The following FYCO1 variants were observed in gnomAD, a reference collection of about 807,000 sequenced individuals.
FYCO1 encodes the protein FYVE and coiled-coil domain-containing protein 1.
FYCO1 carries 122 observed loss-of-function variants against 165.1 expected under a neutral mutation model. The observed-to-expected ratio is 0.74, with a 90% confidence interval of 0.64 to 0.86. The LOEUF (loss-of-function observed/expected upper bound fraction) is 0.86, where lower values mean the gene tolerates loss of function less well. Ranked by LOEUF, FYCO1 falls within the 40% of genes least tolerant of loss-of-function variation. The pLI, the probability that FYCO1 is intolerant of heterozygous loss-of-function variation, is 0.00. For missense variants in FYCO1, 1,702 were observed against 1,810.3 expected, an observed-to-expected ratio of 0.94 and a Z score of 1.09; for synonymous variants, 648 against 742.5, an observed-to-expected ratio of 0.87 and a Z score of 2.07.
chr3:45,942,030 A>G (rs1276009325), intron 14 of FYCO1, among the ~76,000 whole-genome samples: 1 of 152,224 alleles, frequency 6.6e-6, no homozygotes, highest in Non-Finnish European at 1.5e-5. Flanking sequence ...TATGTAGTCT[A>G]TGCGGCCTCA....
chr3:45,931,255 T>C lies in FYCO1; in HGVS notation c.4067A>G (p.Glu1356Gly), dbSNP rs141080987. ...GCTACCCTCCCCGAAGCTGGCGATC[T>C]CATCCACTGTGAGGGGTACTTTGAT... is the stretch of plus-strand genomic sequence containing the variant. ...LMIKVPLTVD[E>G]IASFGEGSRE... The change falls in exon 16 of 18, where the codon GAG becomes GGG. Residue 1356 changes from glutamate (E) to glycine (G), a missense_variant. Physicochemically the swap from Glu to Gly is moderately conservative, Grantham distance 98. Coordinates refer to ENST00000296137, the MANE Select transcript of FYCO1 (RefSeq NM_024513.4). 20 of 1,613,734 alleles carry C rather than the reference T, an allele frequency of 1.2e-5. No homozygotes were observed. Among genetic ancestry groups the C allele is most frequent in the Non-Finnish European group, 1.6e-5 (19 of 1,179,926 alleles).
At chr3:45,983,683 G>A (rs1707167814) in intron 2 of FYCO1, among the ~76,000 whole-genome samples, 1 of 152,178 alleles carries the variant, frequency 6.6e-6, no homozygotes. Context: ...TAAAGCCAGT[G>A]GCAAACTCAG....
In FYCO1 at chr3:45,993,596, GA is replaced by G. The variant is rs1292873231; in HGVS notation, c.-113+2125del. On this transcript the variant is annotated intron_variant, in intron 1 of 17. Transcript: ENST00000296137. The surrounding 1 kb of genome is among the most constrained non-coding windows in gnomAD (Gnocchi z 4.4). ...AAAATACTGTTTATCTTTTGACTAA[GA>G]CAAGAACATAGCAGTCATGACGTGA... Among the ~76,000 whole-genome samples the G allele has an allele frequency of 6.6e-6, 1 of 152,162 alleles. No homozygotes were observed. The highest frequency in any genetic ancestry group is 2.4e-5 in the African/African-American group (1 of 41,436).
At chr3:45,942,596 G>C (rs1348960810) in intron 14 of FYCO1, among the ~76,000 whole-genome samples, 2 of 152,180 alleles carry the variant, frequency 1.3e-5, no homozygotes, top group Non-Finnish European at 2.9e-5. Flanking sequence ...CCTCTCCCTA[G>C]TACCCTCTCC....
intron 15 of FYCO1, among the ~76,000 whole-genome samples, chr3:45,931,969 CCT>C (rs1273695551): frequency 1.3e-5 from 2 of 152,134 alleles, no homozygotes; most frequent in African/African-American, 4.8e-5. Flanking sequence ...ACAGTGAGTT[CCT>C]CTGTTTTTGG....
At position 45,962,089 on chromosome 3, in the gene FYCO1, G is replaced by A. The variant is rs766008589; in HGVS notation, c.3437+136C>T. On this transcript the variant is annotated intron_variant, in intron 11 of 17. Coordinates refer to ENST00000296137, the MANE Select transcript of FYCO1 (RefSeq NM_024513.4). The surrounding 1 kb of genome is among the most constrained non-coding windows in gnomAD (Gnocchi z 4.4). Reference sequence around the variant, plus strand: ...GTACTGGGGAAAGTGAGATGGAGAAGGAGAGAGGGGCTCCTGAGACAGCAG... The same window carrying A: ...GTACTGGGGAAAGTGAGATGGAGAAAGAGAGAGGGGCTCCTGAGACAGCAG... 5.7e-5 allele frequency: 54 copies of A among 948,794 alleles called. No homozygotes were observed. Among genetic ancestry groups the A allele is most frequent in the Non-Finnish European group, 8.3e-5 (49 of 589,334 alleles). 58.8% of individuals were successfully genotyped at this position (948,794 alleles called of 1,614,324 possible). A position where few individuals can be genotyped will look rare whatever the true frequency, so the allele number is the denominator to read the frequency against.
chr3:45,992,246 G>T (rs1707593990), intron 1 of FYCO1, among the ~76,000 whole-genome samples: 1 of 152,138 alleles, frequency 6.6e-6, no homozygotes, highest in South Asian at 2.1e-4. Flanking sequence ...GGGAGGGGAG[G>T]TGCTGGTGGG....
chr3:45,992,407 A>G (rs1019506163), intron 1 of FYCO1, among the ~76,000 whole-genome samples: 6 of 152,220 alleles, frequency 3.9e-5, no homozygotes, highest in Admixed American at 1.3e-4. Flanking sequence ...AATGAGCAAG[A>G]TATTTTCTTC....
intron 14 of FYCO1, among the ~76,000 whole-genome samples, chr3:45,953,719 T>A (rs145954939): frequency 6.6e-6 from 1 of 152,162 alleles, no homozygotes; most frequent in East Asian, 1.9e-4. Flanking sequence ...AGGTCACTGA[T>A]TAAAAGCAGC....
intron 15 of FYCO1, among the ~76,000 whole-genome samples, chr3:45,936,135 T>C (rs1013778267): frequency 6.6e-6 from 1 of 152,186 alleles, no homozygotes; most frequent in African/African-American, 2.4e-5. Flanking sequence ...ATAAAAAAAT[T>C]AACAAAGTTA....
At position 45,968,702 on chromosome 3, in the gene FYCO1, G is replaced by A. The variant is rs150218695; in HGVS notation, c.632C>T (p.Thr211Ile). 7.4e-6 allele frequency: 12 copies of A among 1,614,084 alleles called. No homozygotes were observed. The Admixed American group carries it at 1.3e-4, about 18-fold the overall frequency. ...GTCAAAGTTGGACACCATCTCTTGA[G>A]TCTGGGAGGGAAAACACAAAAGACA... ...MSSLVSSYLQ[T>I]QEMVSNFDLN... Residue 211 changes from threonine (T) to isoleucine (I), a missense_variant and splice_region_variant, in exon 8 of 18, where the codon ACT becomes ATT. Coordinates refer to ENST00000296137, the MANE Select transcript of FYCO1 (RefSeq NM_024513.4).
At position 45,966,446 on chromosome 3, in the gene FYCO1, T is replaced by C. The variant is rs1369801721; in HGVS notation, c.2888A>G (p.Glu963Gly). 1 of 1,611,926 alleles carries C rather than the reference T, an allele frequency of 6.2e-7. No individual in the cohort carries two copies. Among genetic ancestry groups the C allele is most frequent in the East Asian group, 2.2e-5 (1 of 44,814 alleles). ...GLQQEKESLQEKLKAAKAAAG... is the reference protein window; with the variant it reads ...GLQQEKESLQGKLKAAKAAAG... The stretch of plus-strand genomic sequence containing the variant: ...TGCTGCCTTGGCCGCCTTCAGCTTC[T>C]CCTGCAAGCTCTCCTTCTCTTGCTG... Residue 963 changes from glutamate (E) to glycine (G), a missense_variant, in exon 8 of 18, where the codon GAG (glutamate) becomes GGG (glycine). Physicochemically the swap from Glu to Gly is moderately conservative, Grantham distance 98 (BLOSUM62 -2). Coordinates refer to ENST00000296137, the MANE Select transcript of FYCO1 (RefSeq NM_024513.4).
At chr3:45,991,822 T>C (rs899249533) in intron 1 of FYCO1, among the ~76,000 whole-genome samples, 1 of 152,208 alleles carries the variant, frequency 6.6e-6, no homozygotes, top group Non-Finnish European at 1.5e-5. Flanking sequence ...CTAACCCTCA[T>C]ACCTCAGAAT....
intron 5 of FYCO1, among the ~76,000 whole-genome samples, chr3:45,974,082 C>G (rs1342413796): frequency 6.6e-6 from 1 of 151,972 alleles, no homozygotes; most frequent in East Asian, 1.9e-4. Flanking sequence ...AACCCTTGCC[C>G]AAAATGAAAA....
chr3:45,932,021 A>T (rs1244671370), intron 15 of FYCO1, among the ~76,000 whole-genome samples: 1 of 152,134 alleles, frequency 6.6e-6, no homozygotes, highest in Non-Finnish European at 1.5e-5. Flanking sequence ...GAAGAATGTG[A>T]GGTTAGGGGC....
At position 45,968,071 on chromosome 3, in the gene FYCO1, G is replaced by A. The variant is rs749759439; in HGVS notation, c.1263C>T (p.Asn421=). The part of the protein sequence containing the change: ...ERERTKVEEV[N]RQQSAQLEQL... ...GTTCCAGTTGGGCACTCTGCTGTCT[G>A]TTGACCTCCTCGACCTTGGTTCTCT... Residue 421 remains asparagine (N), a synonymous_variant, in exon 8 of 18, where the codon AAC becomes AAT. Transcript: ENST00000296137. The A allele has an allele frequency of 6.2e-7, 1 of 1,614,156 alleles. No homozygotes were observed. The highest frequency in any genetic ancestry group is 1.7e-5 in the Admixed American group (1 of 60,026).
Position 45,968,675 on chromosome 3 carries a change from A to G in FYCO1, c.659T>C (p.Leu220Pro). Residue 220 changes from leucine (L) to proline (P), a missense_variant, in exon 8 of 18, where the codon CTG becomes CCG. Leu to Pro is a moderately conservative substitution (Grantham distance 98). Coordinates refer to ENST00000296137, the MANE Select transcript of FYCO1 (RefSeq NM_024513.4). ...TGCCTCGTTGTTTAGGGGGCTGTTC[A>G]GGTCAAAGTTGGACACCATCTCTTG... ...QTQEMVSNFDLNSPLNNEALE... is the reference protein window; with the variant it reads ...QTQEMVSNFDPNSPLNNEALE... The G allele has an allele frequency of 6.2e-7, 1 of 1,614,204 alleles. No homozygotes were observed. Among genetic ancestry groups the G allele is most frequent in the Non-Finnish European group, 8.5e-7 (1 of 1,180,040 alleles).
chr3:45,938,283 G>A (rs1360575184), intron 14 of FYCO1: 3 of 1,266,630 alleles, frequency 2.4e-6, no homozygotes, highest in African/African-American at 1.5e-5. Flanking sequence ...GAATGGGATA[G>A]GTGGGTGATG....
chr3:45,960,164 A>T (rs1021393685), intron 11 of FYCO1, among the ~76,000 whole-genome samples: 1 of 152,192 alleles, frequency 6.6e-6, no homozygotes, highest in Non-Finnish European at 1.5e-5. Flanking sequence ...GAGGGGGAGG[A>T]TGTGAACAGA....
Sources: gnomAD v4.1 joint callset for allele counts (sites outside exome capture counted in the v4.1 genomes callset) on GRCh38, gnomAD v4.1.1 for gene constraint, Gnocchi (gnomAD v3.1) non-coding constraint, MANE v1.5 for transcripts, NCBI Gene and HGNC (gene_info 2026-07-23, HGNC 2026-07-21) for gene names.